RHBDD1: variants seen among roughly 807,000 people sequenced by gnomAD.
RHBDD1 encodes rhomboid-related protein 4.
A neutral mutation model predicts 36.3 loss-of-function variants in RHBDD1; 38 were observed. The observed-to-expected ratio is 1.05, with a 90% CI of 0.81 to 1.37. The LOEUF (loss-of-function observed/expected upper bound fraction) is 1.37, where lower values mean the gene tolerates loss of function less well. RHBDD1 is among the 40% of genes most tolerant of loss of function. RHBDD1 has a pLI of 0.00. For missense variants in RHBDD1, 393 were observed against 377.6 expected (o/e 1.04, Z -0.34); for synonymous variants, 151 against 136.5 (o/e 1.11, Z -0.74).
intron 7 of RHBDD1, among the ~76,000 whole-genome samples, 198 bp from the exon 8 acceptor site, chr2:226,914,010 T>C (rs1021614125): frequency 1.3e-5 from 2 of 152,226 alleles, no homozygotes; most frequent in Non-Finnish European, 2.9e-5. Flanking sequence ...TAAGGACTCA[T>C]TCATGTTCAG....
At chr2:226,887,859 A>G (rs1020605470) in intron 5 of RHBDD1, among the ~76,000 whole-genome samples, 1 of 152,244 alleles carries the variant, frequency 6.6e-6, no homozygotes, top group Non-Finnish European at 1.5e-5. Context: ...TCTTTTTACT[A>G]ATAACCAATG....
Position 226,906,876 on chromosome 2 carries a change from G to A in RHBDD1, c.650G>A (p.Cys217Tyr). 1.2e-6 allele frequency: 2 copies of A among 1,614,122 alleles called. No homozygotes were observed. The highest frequency in any genetic ancestry group is 1.7e-6 in the Non-Finnish European group (2 of 1,179,960). The change falls in exon 6 of 9, where the codon TGT becomes TAT. Residue 217 changes from cysteine (C) to tyrosine (Y), a missense_variant. By Grantham distance (194) the Cys-to-Tyr change is radical. Coordinates refer to ENST00000392062, the MANE Select transcript of RHBDD1 (RefSeq NM_001167608.3). ...CCTCTGAAGAAAATCATGGAAGCAT[G>A]TGCAGGTACAGAATAAAACACCTTT... ...QGPLKKIMEA[C>Y]AGGFSSSVGY...
intron 2 of RHBDD1, among the ~76,000 whole-genome samples, chr2:226,839,136 C>T (rs868067715): frequency 6.6e-6 from 1 of 151,936 alleles, no homozygotes; most frequent in Non-Finnish European, 1.5e-5. Context: ...ACATGTATTT[C>T]TGTGTGTTTA....
the RHBDD1 span, among the ~76,000 whole-genome samples, chr2:226,812,130 G>T: frequency 4.6e-5 from 7 of 152,232 alleles, no homozygotes; most frequent in Non-Finnish European, 1.0e-4. Context: ...CCCTGCTAAT[G>T]CAGATAGATT....
rs149509505 is a variant in RHBDD1, at chr2:226,898,147, C to G, written c.567-8646C>G. Among the ~76,000 whole-genome samples, 285 of 152,292 alleles carry G rather than the reference C, an allele frequency of 1.9e-3. 1 individual carries two copies. Among genetic ancestry groups the G allele is most frequent in the Admixed American group, 3.2e-3 (49 of 15,300 alleles). ...CATTAGGCCCTACCTCCCTATACTC[C>G]TACAAGGAGGATTAAATTTCATCAT... On this transcript the variant is annotated intron_variant, in intron 5 of 8. Coordinates refer to ENST00000392062, the MANE Select transcript of RHBDD1 (RefSeq NM_001167608.3).
intron 8 of RHBDD1, among the ~76,000 whole-genome samples, chr2:226,945,145 G>GATGATT (rs143143795): frequency 3.5e-5 from 5 of 144,816 alleles, no homozygotes; most frequent in South Asian, 2.3e-4. Context: ...GATCAAATCT[G>GATGATT]ATTATTATTA....
chr2:226,862,590 C>T (rs1393280668), intron 3 of RHBDD1, among the ~76,000 whole-genome samples: 1 of 152,100 alleles, frequency 6.6e-6, no homozygotes, highest in Admixed American at 6.6e-5. Flanking sequence ...GCACTTGATC[C>T]TTTTTATTTA....
upstream of RHBDD1, among the ~76,000 whole-genome samples, chr2:226,831,757 T>A (rs1940745891): frequency 6.6e-6 from 1 of 152,192 alleles, no homozygotes; most frequent in Admixed American, 6.5e-5. Flanking sequence ...TTGGATTTTC[T>A]ATTGAGCCAG....
intron 8 of RHBDD1, among the ~76,000 whole-genome samples, chr2:226,917,773 G>A (rs189928111): frequency 6.6e-6 from 1 of 151,980 alleles, no homozygotes; most frequent in East Asian, 1.9e-4. Flanking sequence ...ACAAAAGTAT[G>A]TAGAACTTGT....
In RHBDD1 at chr2:226,914,096, T is replaced by C. The variant is rs1948721493; in HGVS notation, c.713-112T>C. On this transcript the variant is annotated intron_variant, in intron 7 of 8. Transcript: ENST00000392062. ...TCTTTTCTTATTTTGAGGATAATTATTATACCTAAAATAATGTTATGCCTT... is the reference window on the plus strand; with the variant it reads ...TCTTTTCTTATTTTGAGGATAATTACTATACCTAAAATAATGTTATGCCTT... 7 of 946,350 alleles carry C rather than the reference T, an allele frequency of 7.4e-6. No homozygotes were observed. The South Asian group carries it at 1.2e-4, about 17-fold the overall frequency. 58.6% of individuals were successfully genotyped at this position (946,350 alleles called of 1,614,324 possible).
intron 8 of RHBDD1, among the ~76,000 whole-genome samples, chr2:226,954,560 G>A (rs1055632315): frequency 5.3e-5 from 8 of 151,910 alleles, no homozygotes; most frequent in African/African-American, 1.9e-4. Flanking sequence ...TTTTCATCTG[G>A]TATTAAATAT....
Position 226,952,298 on chromosome 2 carries a change from T to G in RHBDD1, c.856+37947T>G, listed in dbSNP as rs1951482030. On this transcript the variant is annotated intron_variant, in intron 8 of 8. Transcript: ENST00000392062. ...TTTTGTTTTGTTTTGGTTTGGTTTT[T>G]TTTTTTTTTTTTTTTTTGAGAAAGA... Among the ~76,000 whole-genome samples, 3 of 146,358 alleles carry G rather than the reference T, an allele frequency of 2.0e-5. No homozygotes were observed. In the South Asian group the frequency reaches 6.6e-4, roughly 32 times the overall value.
At chr2:226,948,681 A>G (rs1203158969) in intron 8 of RHBDD1, among the ~76,000 whole-genome samples, 2 of 152,074 alleles carry the variant, frequency 1.3e-5, no homozygotes, top group East Asian at 1.9e-4. Context: ...CCCACTGCCA[A>G]TATCATACTT....
At chr2:226,914,398 G>A in intron 8 of RHBDD1, 47 bp downstream of exon 8, 3 of 1,558,270 alleles carry the variant, frequency 1.9e-6, no homozygotes, top group Non-Finnish European at 2.6e-6. Flanking sequence ...ACCTCATGTG[G>A]TAAGGTAGTC....
Position 226,995,512 on chromosome 2 carries a change from A to G in RHBDD1, c.938A>G (p.Asp313Gly), listed in dbSNP as rs1385727173. Residue 313 changes from aspartate (D) to glycine (G), a missense_variant, in exon 9 of 9, where the codon GAT (aspartate) becomes GGT (glycine). Asp to Gly is a moderately conservative substitution (Grantham distance 94). Coordinates refer to ENST00000392062, the MANE Select transcript of RHBDD1 (RefSeq NM_001167608.3). Reference protein sequence around the residue: ...EMRRQRLHRFDSQ With the variant: ...EMRRQRLHRFGSQ ...AGGAGACAGCGGCTTCACAGATTCG[A>G]TAGCCAGTGAGGTGGCATCTTGGGA... 2 of 1,609,768 alleles carry G rather than the reference A, an allele frequency of 1.2e-6. No homozygotes were observed. Among genetic ancestry groups the G allele is most frequent in the Admixed American group, 1.7e-5 (1 of 59,756 alleles).
intron 8 of RHBDD1, among the ~76,000 whole-genome samples, chr2:226,931,700 A>G (rs192179246): frequency 3.8e-4 from 58 of 152,176 alleles, no homozygotes; most frequent in South Asian, 1.5e-3. Context: ...TCATTGATCT[A>G]TGTGGAAATC....
At chr2:226,901,854 A>G (rs1947624742) in intron 5 of RHBDD1, among the ~76,000 whole-genome samples, 1 of 152,198 alleles carries the variant, frequency 6.6e-6, no homozygotes, top group African/African-American at 2.4e-5. Flanking sequence ...GAGACATACA[A>G]ATGTAACTTG....
intron 8 of RHBDD1, among the ~76,000 whole-genome samples, chr2:226,933,211 G>A (rs939324196): frequency 6.6e-5 from 10 of 152,066 alleles, no homozygotes; most frequent in African/African-American, 2.4e-4. Context: ...ATTTGGGTGG[G>A]GGCACATCCA....
At chr2:226,873,798 G>T (rs999507831) in intron 5 of RHBDD1, among the ~76,000 whole-genome samples, 1 of 152,188 alleles carries the variant, frequency 6.6e-6, no homozygotes, top group Admixed American at 6.5e-5. Context: ...AGACATGGAG[G>T]AAGAAAAGGT....
Sources: gnomAD v4.1 joint callset for allele counts (sites outside exome capture counted in the v4.1 genomes callset) on GRCh38, gnomAD v4.1.1 for gene constraint, MANE v1.5 for transcripts, NCBI Gene and HGNC (gene_info 2026-07-23, HGNC 2026-07-21) for gene names.